RXRA: variants seen among roughly 807,000 people sequenced by gnomAD.
RXRA encodes the protein retinoid X receptor alpha, also known as retinoic acid receptor RXR-alpha.
In RXRA, 5 loss-of-function variants were observed where a neutral mutation model predicts 44.5. The ratio of observed to expected loss-of-function variants is 0.11; its 90% CI spans 0.06 to 0.24. The LOEUF (loss-of-function observed/expected upper bound fraction) is 0.24. RXRA is among the 10% of genes least tolerant of loss of function. The probability of loss-of-function intolerance (pLI) is 1.00; values close to 1 mark genes in which losing one functional copy is unlikely to be tolerated. For missense variants in RXRA, 412 were observed against 646.5 expected (o/e 0.64, Z 3.93); for synonymous variants, 291 against 271.4 (o/e 1.07, Z -0.71).
rs1831071289 is a variant in RXRA at position 134,407,503 on chromosome 9, C to T, written c.280-646C>T. Among the ~76,000 whole-genome samples, 4 of 152,324 alleles carry T rather than the reference C, an allele frequency of 2.6e-5. No individual in the cohort carries two copies. The highest frequency in any genetic ancestry group is 5.9e-5 in the Non-Finnish European group (4 of 68,030). On this transcript the variant is annotated intron_variant, in intron 2 of 9. Transcript: ENST00000481739. This position sits in a 1 kb window ranked among gnomAD's most constrained non-coding sequence, Gnocchi z 4.8. The stretch of plus-strand genomic sequence containing the variant: ...TGCCAGGGTGACCGGGTGAGTTTCC[C>T]ACGCTTGCCCGGGCGGCAGCGTGCG...
At chr9:134,358,085 C>T (rs951634900) in intron 1 of RXRA, among the ~76,000 whole-genome samples, 3 of 152,390 alleles carry the variant, frequency 2.0e-5, no homozygotes, top group South Asian at 2.1e-4. Context: ...ACCATCTCCA[C>T]GGGAGGCCGT....
chr9:134,353,223 C>T (rs1830242980), intron 1 of RXRA, among the ~76,000 whole-genome samples: 1 of 152,104 alleles, frequency 6.6e-6, no homozygotes, highest in Admixed American at 6.5e-5. Flanking sequence ...ATTGAGCTCT[C>T]CCGGCTGTGG....
chr9:134,394,246 C>T (rs73556211), intron 1 of RXRA, among the ~76,000 whole-genome samples: 13,093 of 24,876 alleles, frequency 0.53, 2,809 homozygotes, highest in African/African-American at 0.63. Flanking sequence ...GTGGTGATGA[C>T]GGTGGTGATG....
intron 8 of RXRA, 116 bp downstream of exon 8, chr9:134,432,112 C>T (rs1325738196): frequency 1.4e-6 from 1 of 702,800 alleles, no homozygotes; most frequent in African/African-American, 1.8e-5. Flanking sequence ...AACTCCCACC[C>T]TCCTTGAGCT....
In RXRA at chr9:134,349,231, G is replaced by C. The variant is rs991950104; in HGVS notation, c.28+22572G>C. Among the ~76,000 whole-genome samples, 8 of 152,206 alleles carry C rather than the reference G, an allele frequency of 5.3e-5. No individual in the cohort carries two copies. Among genetic ancestry groups the C allele is most frequent in the Non-Finnish European group, 1.2e-4 (8 of 68,036 alleles). On this transcript the variant is annotated intron_variant, in intron 1 of 9. Coordinates refer to ENST00000481739, the MANE Select transcript of RXRA (RefSeq NM_002957.6). This position sits in a 1 kb window ranked among gnomAD's most constrained non-coding sequence, Gnocchi z 4.3. The stretch of plus-strand genomic sequence containing the variant: ...AGACCCCAACTCCCTGCACCAGCCT[G>C]GCCCCGAGCTCCCACTTCCTCATGC...
In RXRA at chr9:134,438,353, T is replaced by A. The variant is rs1444557218; in HGVS notation, c.*1739T>A. 1 of 152,280 alleles carries A rather than the reference T, an allele frequency of 6.6e-6. No individual in the cohort carries two copies. Among genetic ancestry groups the A allele is most frequent in the Admixed American group, 6.5e-5 (1 of 15,286 alleles). The allele number at this position is 152,280 out of a possible 1,614,324, so 9.4% of individuals were successfully genotyped here. A position where few individuals can be genotyped will look rare whatever the true frequency, so the allele number is the denominator to read the frequency against. Reference sequence around the variant, plus strand: ...GGTGGGGAAGAAAGTGTCCATTCTTTGCCTTCCTGGAGCTCCCAGCCAGAG... The same window carrying A: ...GGTGGGGAAGAAAGTGTCCATTCTTAGCCTTCCTGGAGCTCCCAGCCAGAG... On this transcript the variant is annotated 3_prime_UTR_variant, in exon 10 of 10. Coordinates refer to ENST00000481739, the MANE Select transcript of RXRA (RefSeq NM_002957.6).
rs1382787863 is a variant in RXRA at position 134,365,179 on chromosome 9, C to G, written c.29-36453C>G. Among the ~76,000 whole-genome samples, 1 of 152,248 alleles carries G rather than the reference C, an allele frequency of 6.6e-6. No individual in the cohort carries two copies. Among genetic ancestry groups the G allele is most frequent in the Non-Finnish European group, 1.5e-5 (1 of 68,040 alleles). ...CTGGAGGGCTGATGGCACGCTGGGC[C>G]CGGGAAAGCCCCTCGTGGGCCATCT... On this transcript the variant is annotated intron_variant, in intron 1 of 9. Transcript: ENST00000481739. This position sits in a 1 kb window ranked among gnomAD's most constrained non-coding sequence, Gnocchi z 4.0.
At chr9:134,402,281 T>C in intron 2 of RXRA, 1 of 199,690 alleles carries the variant, frequency 5.0e-6, no homozygotes, top group Non-Finnish European at 1.0e-5. Flanking sequence ...AGTCTCTGCT[T>C]ACACCCAGGC....
intron 6 of RXRA, chr9:134,422,955 C>G (rs542821384): frequency 2.0e-6 from 2 of 985,358 alleles, no homozygotes; most frequent in Non-Finnish European, 2.4e-6. Context: ...TGGTGGTGCA[C>G]AGAGCCACTG....
At chr9:134,382,107 A>C (rs1407835494) in intron 1 of RXRA, among the ~76,000 whole-genome samples, 1 of 129,660 alleles carries the variant, frequency 7.7e-6, no homozygotes, top group East Asian at 2.3e-4. Context: ...CAAGATGCAC[A>C]CATGCCCTGC....
chr9:134,410,309 T>C (rs1486818782), intron 4 of RXRA, among the ~76,000 whole-genome samples: 1 of 152,200 alleles, frequency 6.6e-6, no homozygotes, highest in Non-Finnish European at 1.5e-5. Context: ...TCGTGTTTCA[T>C]GGAGTGCTGA....
rs899167460 is a variant in RXRA at position 134,437,098 on chromosome 9, C to T, written c.*484C>T. The stretch of plus-strand genomic sequence containing the variant: ...CCCAGCCAGCCCGTGACAGCTTCCC[C>T]CTAATCAGGAGGGGACAGCTGGGGG... On this transcript the variant is annotated 3_prime_UTR_variant, in exon 10 of 10. Transcript: ENST00000481739. 2 of 166,598 alleles carry T rather than the reference C, an allele frequency of 1.2e-5. No homozygotes were observed. Among genetic ancestry groups the T allele is most frequent in the African/African-American group, 4.8e-5 (2 of 41,712 alleles). The allele number at this position is 166,598 out of a possible 1,614,324, so 10.3% of individuals were successfully genotyped here. A position where few individuals can be genotyped will look rare whatever the true frequency, so the allele number is the denominator to read the frequency against.
At chr9:134,390,701 C>T (rs1009089196) in intron 1 of RXRA, among the ~76,000 whole-genome samples, 1 of 152,164 alleles carries the variant, frequency 6.6e-6, no homozygotes, top group African/African-American at 2.4e-5. Flanking sequence ...GGGAGGGCGC[C>T]CATGTTGGGG....
chr9:134,378,009 G>A (rs1830584356), intron 1 of RXRA, among the ~76,000 whole-genome samples: 1 of 152,260 alleles, frequency 6.6e-6, no homozygotes, highest in Admixed American at 6.5e-5. Flanking sequence ...CCCAGGCCTG[G>A]CCCCTGTGCT....
chr9:134,397,509 C>T (rs1347092627), intron 1 of RXRA, among the ~76,000 whole-genome samples: 1 of 152,122 alleles, frequency 6.6e-6, no homozygotes, highest in Non-Finnish European at 1.5e-5. Context: ...GATCACTCCA[C>T]CACTTCTTCT....
chr9:134,376,383 G>A (rs1199680333), intron 1 of RXRA, among the ~76,000 whole-genome samples: 6 of 152,218 alleles, frequency 3.9e-5, no homozygotes, highest in South Asian at 2.1e-4. Context: ...CACTGCTCCC[G>A]TCTATGCTGT....
At chr9:134,427,794 G>T (rs1831459422) in intron 6 of RXRA, among the ~76,000 whole-genome samples, 1 of 152,238 alleles carries the variant, frequency 6.6e-6, no homozygotes. Context: ...TTCCCCCTCT[G>T]TAAAACAAAG....
chr9:134,425,153 C>G, intron 6 of RXRA: 2 of 985,378 alleles, frequency 2.0e-6, no homozygotes, highest in South Asian at 9.4e-5. Context: ...GGTGCAGTGG[C>G]CACAGCCCTG....
intron 6 of RXRA, chr9:134,423,233 G>A (rs1443994425): frequency 2.0e-6 from 2 of 985,306 alleles, no homozygotes; most frequent in African/African-American, 1.7e-5. Flanking sequence ...CACGTTGGGT[G>A]CCCAGGTCTG....
Sources: allele counts gnomAD v4.1 joint callset (sites outside exome capture counted in the v4.1 genomes callset), GRCh38; gene constraint gnomAD v4.1.1; non-coding constraint Gnocchi (gnomAD v3.1); transcripts MANE v1.5; gene names NCBI Gene and HGNC (gene_info 2026-07-23, HGNC 2026-07-21).